Variants in GABRB3 observed in about 807,000 individuals in gnomAD.
The protein encoded by GABRB3 is gamma-aminobutyric acid type A receptor subunit beta3.
A neutral mutation model predicts 52.1 loss-of-function variants in GABRB3; 14 were observed. The ratio of observed to expected loss-of-function variants is 0.27; its 90% CI spans 0.18 to 0.42. GABRB3 has a LOEUF of 0.42. Among genes scored for constraint, GABRB3 ranks in the 10% least tolerant of loss-of-function variants. The pLI is 1.00. For synonymous variants in GABRB3, 260 were observed against 232.3 expected (o/e 1.12, Z -1.08); for missense variants, 307 against 609.1 (o/e 0.50, Z 5.22).
At chr15:26,568,265 G>C (rs1890254655) in intron 6 of GABRB3, among the ~76,000 whole-genome samples, 1 of 152,094 alleles carries the variant, frequency 6.6e-6, no homozygotes, top group Non-Finnish European at 1.5e-5. Context: ...GAAAGCAGTG[G>C]TGCACACTGA....
intron 8 of GABRB3, among the ~76,000 whole-genome samples, chr15:26,554,176 G>GAGTGTATATATATATATATA (rs71420007): frequency 3.7e-4 from 10 of 27,342 alleles, no homozygotes; most frequent in African/African-American, 1.1e-3. Context: ...TATATATAAA[G>GAGTGTATATATATATATATA]TATATATATA....
intron 4 of GABRB3, among the ~76,000 whole-genome samples, chr15:26,618,619 T>A (rs1397674116): frequency 2.0e-5 from 3 of 152,208 alleles, no homozygotes; most frequent in Non-Finnish European, 4.4e-5. Context: ...AAGGACTTCA[T>A]GTCTAAAACA....
chr15:26,736,237 T>G (rs908190563), intron 3 of GABRB3, among the ~76,000 whole-genome samples: 1 of 152,266 alleles, frequency 6.6e-6, no homozygotes, highest in Non-Finnish European at 1.5e-5. Flanking sequence ...AAATTTTATG[T>G]ATTTTACCTC....
At chr15:26,639,176 C>T (rs1347664567) in intron 3 of GABRB3, among the ~76,000 whole-genome samples, 1 of 152,018 alleles carries the variant, frequency 6.6e-6, no homozygotes, top group African/African-American at 2.4e-5. Flanking sequence ...GGACCTGATG[C>T]TATAATAATC....
intron 4 of GABRB3, among the ~76,000 whole-genome samples, chr15:26,589,535 T>C (rs1241849994): frequency 6.6e-6 from 1 of 152,234 alleles, no homozygotes; most frequent in Non-Finnish European, 1.5e-5. Flanking sequence ...TTTCCCTGGC[T>C]GGTCACTGTA....
chr15:26,572,003 G>A (rs1314598721), intron 6 of GABRB3, among the ~76,000 whole-genome samples: 1 of 145,230 alleles, frequency 6.9e-6, no homozygotes, highest in African/African-American at 2.6e-5. Flanking sequence ...CCGAAATTGA[G>A]CTACTGCACT....
At chr15:26,585,496 A>G (rs1026917399) in intron 4 of GABRB3, among the ~76,000 whole-genome samples, 2 of 148,384 alleles carry the variant, frequency 1.3e-5, no homozygotes, top group African/African-American at 5.0e-5. Context: ...CTCAGGTGAT[A>G]AAGTATGTCC....
intron 8 of GABRB3, among the ~76,000 whole-genome samples, chr15:26,549,087 A>G (rs1889364601): frequency 6.6e-6 from 1 of 152,180 alleles, no homozygotes; most frequent in South Asian, 2.1e-4. Context: ...TAGGCTGTGG[A>G]AAGCCTACCC....
intron 4 of GABRB3, among the ~76,000 whole-genome samples, chr15:26,606,805 T>TAGATAGATAGATATATTG (rs1398253433): frequency 8.5e-6 from 1 of 117,950 alleles, no homozygotes; most frequent in African/African-American, 2.8e-5. Context: ...TAGATATATC[T>TAGATAGATAGATATATTG]ATAGATAGAT....
rs2017247 is a variant in GABRB3, at chr15:26,544,015, T to C, written c.*3778A>G. 0.77 allele frequency: 117,245 copies of C among 152,536 alleles called. 46,257 individuals are homozygous for C. Among genetic ancestry groups the C allele is most frequent in the African/African-American group, 0.92 (38,173 of 41,514 alleles). The allele number at this position is 152,536 out of a possible 1,614,324, so 9.4% of individuals were successfully genotyped here. A position where few individuals can be genotyped will look rare whatever the true frequency, so the allele number is the denominator to read the frequency against. ...GGAAAAATTTAATTCACCTGGGCAG[T>C]TCTTTGCCCCAAGATTCGATGTTAC... On this transcript the variant is annotated 3_prime_UTR_variant, in exon 9 of 9. Coordinates refer to ENST00000311550, the MANE Select transcript of GABRB3 (RefSeq NM_000814.6).
intron 7 of GABRB3, among the ~76,000 whole-genome samples, chr15:26,563,842 C>T (rs4264366): frequency 0.23 from 35,467 of 151,336 alleles, 5,340 homozygotes; most frequent in East Asian, 0.72. Context: ...AATTGCTAGC[C>T]TCAACTTATT....
At chr15:26,588,903 T>C (rs1262437188) in intron 4 of GABRB3, among the ~76,000 whole-genome samples, 1 of 152,198 alleles carries the variant, frequency 6.6e-6, no homozygotes, top group African/African-American at 2.4e-5. Context: ...TCTAAAGATA[T>C]GATTAAGAAT....
chr15:26,716,766 GA>G (rs1889481298), intron 3 of GABRB3: 1 of 1,145,898 alleles, frequency 8.7e-7, no homozygotes, highest in Non-Finnish European at 1.1e-6. Flanking sequence ...GCCCAGCTCT[GA>G]GGACCTCCAC....
At chr15:26,685,799 CTT>C (rs371341373) in intron 3 of GABRB3, among the ~76,000 whole-genome samples, 4,735 of 131,134 alleles carry the variant, frequency 0.036, 83 homozygotes, top group Non-Finnish European at 0.051. Flanking sequence ...GTAAGATGGT[CTT>C]TTTTTTTTTT....
At chr15:26,553,576 A>C (rs1889562647) in intron 8 of GABRB3, 1 of 152,260 alleles carries the variant, frequency 6.6e-6, no homozygotes, top group South Asian at 2.1e-4. Flanking sequence ...TGTTCTCTAC[A>C]GACAATGCAA....
At chr15:26,598,493 A>G (rs1275745023) in intron 4 of GABRB3, among the ~76,000 whole-genome samples, 1 of 152,158 alleles carries the variant, frequency 6.6e-6, no homozygotes, top group Non-Finnish European at 1.5e-5. Context: ...CAATATTGAA[A>G]CAAGCCTGAG....
At position 26,773,040 on chromosome 15, in the gene GABRB3, TGCCGCC is replaced by T. The variant is rs548775630; in HGVS notation, c.-84_-79del. ...CCGCAGCCGGGGCTGCTCCTGCTGC[TGCCGCC>T]GCCGCCGCCGCCGCCGCGCTGGCCC... On this transcript the variant is annotated 5_prime_UTR_variant, in exon 1 of 9. Transcript: ENST00000311550. The T allele has an allele frequency of 4.2e-3, 3,949 of 935,196 alleles. 1 individual carries two copies. Among genetic ancestry groups the T allele is most frequent in the African/African-American group, 0.011 (620 of 56,130 alleles). The allele number at this position is 935,196 out of a possible 1,614,324, so 57.9% of individuals were successfully genotyped here.
intron 3 of GABRB3, among the ~76,000 whole-genome samples, chr15:26,763,516 A>G (rs1890876520): frequency 6.6e-6 from 1 of 152,068 alleles, no homozygotes; most frequent in African/African-American, 2.4e-5. Context: ...ATAGAGAATT[A>G]CAGTCAGCAT....
chr15:26,603,212 G>A (rs1327517666), intron 4 of GABRB3, among the ~76,000 whole-genome samples: 1 of 151,890 alleles, frequency 6.6e-6, no homozygotes, highest in Non-Finnish European at 1.5e-5. Context: ...GAACCACGAA[G>A]AAATCCAAAA....
Sources: allele counts gnomAD v4.1 joint callset (sites outside exome capture counted in the v4.1 genomes callset), GRCh38; gene constraint gnomAD v4.1.1; transcripts MANE v1.5; gene names NCBI Gene and HGNC (gene_info 2026-07-23, HGNC 2026-07-21).